Variants in LRFN2 observed in about 807,000 individuals in gnomAD.
The protein encoded by LRFN2 is leucine rich repeat and fibronectin type III domain containing 2.
A neutral mutation model predicts 37.3 loss-of-function variants in LRFN2; 18 were observed. That is an observed-to-expected ratio of 0.48 (90% confidence interval 0.33 to 0.72). The LOEUF (loss-of-function observed/expected upper bound fraction) is 0.72, where lower values mean the gene tolerates loss of function less well. Among genes scored for constraint, LRFN2 ranks in the 30% least tolerant of loss-of-function variants. The pLI is 0.02. For synonymous variants in LRFN2, 556 were observed against 466.6 expected (o/e 1.19, Z -2.47); for missense variants, 1,006 against 1,060.7 (o/e 0.95, Z 0.72).
chr6:40,488,304 C>T (rs964962319), intron 1 of LRFN2, among the ~76,000 whole-genome samples: 11 of 152,024 alleles, frequency 7.2e-5, no homozygotes, highest in Admixed American at 6.6e-5. Context: ...CCAGACCAGA[C>T]CTTTCTTCTC....
rs534792300 is a variant in LRFN2 at position 40,392,528 on chromosome 6, C to T, written c.1785G>A (p.Pro595=). Residue 595 remains proline, a synonymous_variant, in exon 3 of 3, where the codon CCG becomes CCA. Transcript: ENST00000338305. This position sits in a 1 kb window ranked among gnomAD's most constrained non-coding sequence, Gnocchi z 4.7. ...CCACCACCTTCGGCGGGCCCTGCGGCGGGGCCCCGGCTGGTGCGCTGCTTG... is the reference window on the plus strand; with the variant it reads ...CCACCACCTTCGGCGGGCCCTGCGGTGGGGCCCCGGCTGGTGCGCTGCTTG... ...PPPSSAPAGA[P]PQGPPKVVVR... is the part of the protein sequence containing the mutation. 8.2e-5 allele frequency: 129 copies of T among 1,567,288 alleles called. No individual in the cohort carries two copies. In the African/African-American group the frequency reaches 1.2e-3, roughly 15 times the overall value.
intron 2 of LRFN2, among the ~76,000 whole-genome samples, chr6:40,430,532 G>A (rs1207398869): frequency 6.6e-6 from 1 of 152,172 alleles, no homozygotes; most frequent in Non-Finnish European, 1.5e-5. Flanking sequence ...TAAGGTTTTA[G>A]GCCATGTCCT....
chr6:40,492,790 G>A (rs993994952), intron 1 of LRFN2, among the ~76,000 whole-genome samples: 3 of 152,122 alleles, frequency 2.0e-5, no homozygotes, highest in South Asian at 2.1e-4. Context: ...AACCAGTTCC[G>A]AAGCCCAGAC....
At position 40,584,815 on chromosome 6, in the gene LRFN2, GT is replaced by G. The variant is rs111498485; in HGVS notation, c.-19+2125del. Among the ~76,000 whole-genome samples the G allele has an allele frequency of 3.5e-3, 510 of 145,250 alleles. 2 individuals carry two copies. The highest frequency in any genetic ancestry group is 8.5e-3 in the African/African-American group (338 of 39,870). Reference sequence around the variant, plus strand: ...CTGGCACTTGGAGGCCAGAATCCCTGTTTTTTTTTTTTCCTTTGGAGCTGAA... The same window carrying G: ...CTGGCACTTGGAGGCCAGAATCCCTGTTTTTTTTTTTCCTTTGGAGCTGAA... On this transcript the variant is annotated intron_variant, in intron 1 of 2. Transcript: ENST00000338305.
At chr6:40,436,037 T>C (rs1763665578) in intron 1 of LRFN2, among the ~76,000 whole-genome samples, 1 of 152,196 alleles carries the variant, frequency 6.6e-6, no homozygotes, top group African/African-American at 2.4e-5. Flanking sequence ...GGCCATATTT[T>C]TTAAAAAAGT....
chr6:40,583,781 AG>A (rs1767449760), intron 1 of LRFN2, among the ~76,000 whole-genome samples: 1 of 152,034 alleles, frequency 6.6e-6, no homozygotes, highest in South Asian at 2.1e-4. Flanking sequence ...GGCCCCACAG[AG>A]CTGTATCCAT....
chr6:40,436,280 A>G (rs1367015535), intron 1 of LRFN2, among the ~76,000 whole-genome samples: 1 of 152,254 alleles, frequency 6.6e-6, no homozygotes, highest in Non-Finnish European at 1.5e-5. Flanking sequence ...TGTAGCTCAC[A>G]GACCAAATAT....
intron 2 of LRFN2, among the ~76,000 whole-genome samples, chr6:40,426,998 T>A (rs146077644): frequency 1.4e-3 from 207 of 152,320 alleles, no homozygotes; most frequent in African/African-American, 4.8e-3. Flanking sequence ...GGCCATAACA[T>A]CCTCAAGATC....
At chr6:40,479,424 G>C (rs1003161494) in intron 1 of LRFN2, among the ~76,000 whole-genome samples, 1 of 152,202 alleles carries the variant, frequency 6.6e-6, no homozygotes, top group Non-Finnish European at 1.5e-5. Flanking sequence ...TCTGACACTA[G>C]ACAAGTCGCT....
chr6:40,494,235 C>T (rs1488085737), intron 1 of LRFN2, among the ~76,000 whole-genome samples: 1 of 152,186 alleles, frequency 6.6e-6, no homozygotes, highest in Non-Finnish European at 1.5e-5. Context: ...AACATTCCTG[C>T]TCCTCAAATG....
intron 1 of LRFN2, among the ~76,000 whole-genome samples, chr6:40,498,278 T>C (rs1039473472): frequency 6.6e-6 from 1 of 152,230 alleles, no homozygotes; most frequent in East Asian, 1.9e-4. Flanking sequence ...TGCCAAAAAG[T>C]CCAGTCTTCT....
At chr6:40,413,345 G>A (rs533732875) in intron 2 of LRFN2, among the ~76,000 whole-genome samples, 2 of 152,346 alleles carry the variant, frequency 1.3e-5, no homozygotes, top group African/African-American at 4.8e-5. Context: ...GAGATTCACA[G>A]TGTCATCCTC....
intron 2 of LRFN2, among the ~76,000 whole-genome samples, chr6:40,418,611 C>G (rs992912953): frequency 3.3e-5 from 5 of 152,182 alleles, no homozygotes; most frequent in African/African-American, 9.7e-5. Flanking sequence ...GAACTAGACC[C>G]TGGCTTCTCA....
rs1033054765 is a variant in LRFN2, at chr6:40,392,305, T to C, written c.2008A>G (p.Lys670Glu). 2 of 1,610,672 alleles carry C rather than the reference T, an allele frequency of 1.2e-6. No individual in the cohort carries two copies. The highest frequency in any genetic ancestry group is 1.7e-6 in the Non-Finnish European group (2 of 1,178,754). ...GTCCTGGAGTCCAGCAGCTCCTCCT[T>C]TCTCTGACTCTTGAGGTCCAGGGAG... ...FASLDLKSQRKEELLDSRTPA... is the reference protein window; with the variant it reads ...FASLDLKSQREEELLDSRTPA... The change falls in exon 3 of 3, where the codon AAG becomes GAG. Residue 670 changes from lysine to glutamate, a missense_variant. By Grantham distance (56) the Lys-to-Glu change is moderately conservative. Transcript: ENST00000338305. This position sits in a 1 kb window ranked among gnomAD's most constrained non-coding sequence, Gnocchi z 4.7.
chr6:40,509,637 G>A (rs141401349), intron 1 of LRFN2, among the ~76,000 whole-genome samples: 300 of 151,868 alleles, frequency 2.0e-3, no homozygotes, highest in Non-Finnish European at 3.3e-3. Flanking sequence ...GCCTGCATGC[G>A]GGTATGCCAG....
chr6:40,445,598 G>A (rs142111576), intron 1 of LRFN2, among the ~76,000 whole-genome samples: 58 of 152,290 alleles, frequency 3.8e-4, no homozygotes, highest in African/African-American at 1.2e-3. Flanking sequence ...TATTGTGATT[G>A]GAGAGAGGTG....
chr6:40,542,337 G>T (rs1315399902), intron 1 of LRFN2, among the ~76,000 whole-genome samples: 3 of 152,100 alleles, frequency 2.0e-5, no homozygotes, highest in African/African-American at 7.2e-5. Context: ...GGCAGCAGGG[G>T]GTCATTAAGG....
intron 1 of LRFN2, among the ~76,000 whole-genome samples, chr6:40,523,612 C>A (rs578003484): frequency 1.3e-5 from 2 of 150,960 alleles, no homozygotes; most frequent in South Asian, 4.2e-4. Context: ...CCACTGAGCA[C>A]CTACTCTGTG....
At chr6:40,547,986 A>G (rs534801156) in intron 1 of LRFN2, among the ~76,000 whole-genome samples, 1 of 152,298 alleles carries the variant, frequency 6.6e-6, no homozygotes, top group East Asian at 1.9e-4. Context: ...GGGACCCTGA[A>G]CAATATGCAG....
Sources: gnomAD v4.1 joint callset for allele counts (sites outside exome capture counted in the v4.1 genomes callset) on GRCh38, gnomAD v4.1.1 for gene constraint, Gnocchi (gnomAD v3.1) non-coding constraint, MANE v1.5 for transcripts, NCBI Gene and HGNC (gene_info 2026-07-23, HGNC 2026-07-21) for gene names.